The following SHANK2 variants were observed in gnomAD, a reference collection of about 807,000 sequenced individuals.
The protein encoded by SHANK2 is SH3 and multiple ankyrin repeat domains protein 2.
In SHANK2, 43 loss-of-function variants were observed where a neutral mutation model predicts 133.7. The ratio of observed to expected loss-of-function variants is 0.32; its 90% CI spans 0.25 to 0.41. The LOEUF (loss-of-function observed/expected upper bound fraction) is 0.41, where lower values mean the gene tolerates loss of function less well. SHANK2 is among the 10% of genes least tolerant of loss of function. The probability of loss-of-function intolerance (pLI) is 1.00; values close to 1 mark genes in which losing one functional copy is unlikely to be tolerated. For missense variants in SHANK2, 1,994 were observed against 2,235.8 expected, an observed-to-expected ratio of 0.89 and a Z score of 2.18; for synonymous variants, 1,017 against 952.8, an observed-to-expected ratio of 1.07 and a Z score of -1.24.
chr11:71,251,894 G>A (rs1173896775), intron 1 of SHANK2, among the ~76,000 whole-genome samples: 2 of 151,974 alleles, frequency 1.3e-5, no homozygotes, highest in East Asian at 2.0e-4. Flanking sequence ...GGTCTCGGGG[G>A]ACCTGGCGGC....
intron 2 of SHANK2, among the ~76,000 whole-genome samples, chr11:71,167,618 G>A (rs1258533213): frequency 2.0e-5 from 3 of 146,912 alleles, no homozygotes; most frequent in East Asian, 2.1e-4. Flanking sequence ...AGGGGCGGCC[G>A]GGAAGAGGCG....
chr11:71,209,002 A>G (rs1280398554), intron 2 of SHANK2, among the ~76,000 whole-genome samples: 1 of 152,192 alleles, frequency 6.6e-6, no homozygotes, highest in African/African-American at 2.4e-5. Flanking sequence ...ACTGTTCCTC[A>G]CCAGAGAGGA....
At chr11:70,828,053 T>C (rs1948672610) in intron 11 of SHANK2, among the ~76,000 whole-genome samples, 1 of 152,160 alleles carries the variant, frequency 6.6e-6, no homozygotes, top group African/African-American at 2.4e-5. Context: ...TGGAGGCGGT[T>C]GAATTGCTTG....
At chr11:70,926,806 A>G (rs1405820812) in intron 10 of SHANK2, among the ~76,000 whole-genome samples, 1 of 152,250 alleles carries the variant, frequency 6.6e-6, no homozygotes, top group Non-Finnish European at 1.5e-5. Flanking sequence ...ATGAGCTTTT[A>G]TATTTCAGTG....
At chr11:70,923,800 G>A (rs1279804226) in intron 10 of SHANK2, among the ~76,000 whole-genome samples, 5 of 152,110 alleles carry the variant, frequency 3.3e-5, no homozygotes, top group Non-Finnish European at 5.9e-5. Context: ...TGATGATCCC[G>A]CCTTGGCCTC....
chr11:70,631,733 C>T (rs2060994119), intron 17 of SHANK2: 2 of 152,294 alleles, frequency 1.3e-5, no homozygotes, highest in Admixed American at 1.3e-4. Context: ...TGAAGCCTGG[C>T]CCAAAGCAGT....
chr11:70,731,941 CCT>C (rs1946298060), intron 14 of SHANK2, among the ~76,000 whole-genome samples: 1 of 152,130 alleles, frequency 6.6e-6, no homozygotes, highest in Admixed American at 6.5e-5. Context: ...CCAGATGTCC[CCT>C]TTCTCACTTC....
intron 17 of SHANK2, among the ~76,000 whole-genome samples, chr11:70,573,006 C>T (rs912995578): frequency 1.3e-5 from 2 of 152,118 alleles, no homozygotes; most frequent in Admixed American, 1.3e-4. Flanking sequence ...GCCCATCGAT[C>T]GTGACTGGTC....
intron 11 of SHANK2, among the ~76,000 whole-genome samples, chr11:70,891,895 A>C (rs1173852300): frequency 6.6e-6 from 1 of 152,218 alleles, no homozygotes; most frequent in African/African-American, 2.4e-5. Context: ...CCTCTTTGAA[A>C]TGTTAATGTG....
intron 10 of SHANK2, chr11:70,942,529 C>A (rs1359907398): frequency 1.3e-5 from 6 of 456,512 alleles, no homozygotes; most frequent in Admixed American, 1.2e-4. Flanking sequence ...CCTCCCAACA[C>A]CCCCACATTG....
chr11:70,741,239 C>CCATCCATCCATTCATGCATTTAACCATG (rs1946518560), intron 14 of SHANK2, among the ~76,000 whole-genome samples: 2 of 129,320 alleles, frequency 1.5e-5, no homozygotes, highest in Admixed American at 7.2e-5. Flanking sequence ...ATGCATCCAT[C>CCATCCATCCATTCATGCATTTAACCATG]CATCCATCCA....
chr11:71,129,291 C>T (rs1555103282), intron 3 of SHANK2, among the ~76,000 whole-genome samples: 2 of 152,170 alleles, frequency 1.3e-5, no homozygotes, highest in African/African-American at 2.4e-5. Context: ...CCATTAACTA[C>T]AGCAATGATT....
chr11:70,480,396 A>T (rs2058718339), intron 25 of SHANK2, among the ~76,000 whole-genome samples: 1 of 152,170 alleles, frequency 6.6e-6, no homozygotes, highest in African/African-American at 2.4e-5. Context: ...GGTCAGGGTT[A>T]ACCTGCTGGT....
At chr11:70,742,315 A>G (rs1466628495) in intron 14 of SHANK2, among the ~76,000 whole-genome samples, 2 of 152,190 alleles carry the variant, frequency 1.3e-5, no homozygotes, top group Non-Finnish European at 2.9e-5. Flanking sequence ...ACAGCTCTCC[A>G]GACCCTATTG....
intron 12 of SHANK2, among the ~76,000 whole-genome samples, chr11:70,818,049 T>A (rs969057802): frequency 2.6e-5 from 4 of 152,128 alleles, no homozygotes; most frequent in Non-Finnish European, 5.9e-5. Context: ...GTTTTATAAT[T>A]GACAAAGATT....
chr11:71,108,341 A>G (rs1480080564), intron 6 of SHANK2, among the ~76,000 whole-genome samples: 1 of 151,906 alleles, frequency 6.6e-6, no homozygotes, highest in Non-Finnish European at 1.5e-5. Context: ...CCATCGCACC[A>G]CCATGCCTGA....
chr11:70,837,975 C>CAAAAAAAAAAAAAAA (rs55862093), intron 11 of SHANK2, among the ~76,000 whole-genome samples: 17 of 25,176 alleles, frequency 6.8e-4, no homozygotes, highest in Non-Finnish European at 7.3e-4. Flanking sequence ...CATTCTGTCT[C>CAAAAAAAAAAAAAAA]AAAAAAAAAA....
chr11:70,661,382 G>A (rs989848034), intron 16 of SHANK2, among the ~76,000 whole-genome samples: 4 of 152,146 alleles, frequency 2.6e-5, no homozygotes, highest in African/African-American at 7.2e-5. Flanking sequence ...AAGCCCTAAC[G>A]TTTTCTGAGT....
In SHANK2 at chr11:71,116,707, G is replaced by A. The variant is rs113270008; in HGVS notation, c.411+2122C>T. 4.6e-5 allele frequency among the ~76,000 whole-genome samples: 7 copies of A among 152,338 alleles called. No homozygotes were observed. The South Asian group carries it at 1.0e-3, about 23-fold the overall frequency. On this transcript the variant is annotated intron_variant, in intron 4 of 25. Transcript: ENST00000601538. ...AACCTCATGTTCAAATGTGATCACC[G>A]GTGTTGGAGGCGGGGCCAGGTGGGA...
Sources: allele counts gnomAD v4.1 joint callset (sites outside exome capture counted in the v4.1 genomes callset), GRCh38; gene constraint gnomAD v4.1.1; transcripts MANE v1.5; gene names NCBI Gene and HGNC (gene_info 2026-07-23, HGNC 2026-07-21).